TYW1B: variants seen among roughly 807,000 people sequenced by gnomAD.
TYW1B encodes the protein S-adenosyl-L-methionine-dependent tRNA 4-demethylwyosine synthase TYW1B.
In TYW1B, 73 loss-of-function variants were observed where a neutral mutation model predicts 86.9. That is an observed-to-expected ratio of 0.84 (90% CI 0.70 to 1.02). The LOEUF is 1.02. TYW1B is among the 50% of genes least tolerant of loss of function. TYW1B has a pLI of 0.00. For synonymous variants in TYW1B, 248 were observed against 292.8 expected (o/e 0.85, Z 1.56); for missense variants, 637 against 827.4 (o/e 0.77, Z 2.82).
chr7:72,606,650 G>C (rs1379068519), intron 13 of TYW1B, among the ~76,000 whole-genome samples: 4 of 151,782 alleles, frequency 2.6e-5, no homozygotes, highest in East Asian at 3.9e-4. Context: ...GGAGTCTAAG[G>C]GGGGAACAGT....
chr7:72,812,701 G>GTTT (rs1422203647), intron 3 of TYW1B, among the ~76,000 whole-genome samples: 2 of 138,262 alleles, frequency 1.4e-5, no homozygotes, highest in Admixed American at 7.3e-5. Flanking sequence ...GCCTTTTGGG[G>GTTT]TTTTTTTTTT....
At chr7:72,604,393 T>TG (rs1490171888) in intron 13 of TYW1B, among the ~76,000 whole-genome samples, 1 of 151,982 alleles carries the variant, frequency 6.6e-6, no homozygotes, top group East Asian at 1.9e-4. Flanking sequence ...ACCCGGGAGA[T>TG]GGAGGTTGCA....
At chr7:72,751,994 G>A (rs1554465142) in intron 7 of TYW1B, among the ~76,000 whole-genome samples, 1 of 152,200 alleles carries the variant, frequency 6.6e-6, no homozygotes, top group East Asian at 1.9e-4. Flanking sequence ...GACTTCCAAG[G>A]CCAGGCTGCT....
chr7:72,814,613 T>C (rs1280340211), intron 3 of TYW1B, among the ~76,000 whole-genome samples: 1 of 151,008 alleles, frequency 6.6e-6, no homozygotes, highest in Non-Finnish European at 1.5e-5. Context: ...CTTTTAAAAT[T>C]AGCAGGGCAT....
intron 7 of TYW1B, among the ~76,000 whole-genome samples, chr7:72,756,185 C>T (rs1343253271): frequency 1.4e-5 from 2 of 141,464 alleles, no homozygotes; most frequent in Non-Finnish European, 3.1e-5. Context: ...TTAATTAGAA[C>T]TGCCAGTTTA....
At chr7:72,664,153 C>T (rs537275667) in intron 11 of TYW1B, among the ~76,000 whole-genome samples, 16 of 152,082 alleles carry the variant, frequency 1.1e-4, no homozygotes, top group African/African-American at 1.4e-4. Context: ...CTCTTTCTTG[C>T]CAAACATTAT....
At chr7:72,649,379 G>A (rs559846864) in intron 11 of TYW1B, among the ~76,000 whole-genome samples, 21 of 152,258 alleles carry the variant, frequency 1.4e-4, no homozygotes, top group Admixed American at 1.2e-3. Context: ...GAACAAGAGA[G>A]GTGCCCTATC....
intron 9 of TYW1B, chr7:72,722,875 A>G: frequency 1.5e-6 from 1 of 653,722 alleles, no homozygotes; most frequent in Middle Eastern, 4.3e-4. Context: ...GTAAATAATT[A>G]ATGAGCATTC....
intron 13 of TYW1B, among the ~76,000 whole-genome samples, chr7:72,606,442 G>C (rs546660212): frequency 4.2e-4 from 64 of 151,992 alleles, no homozygotes; most frequent in Non-Finnish European, 7.1e-4. Context: ...GGGGAATCCT[G>C]CCCTCCTCCT....
chr7:72,681,591 CTTTT>C (rs71069098), intron 11 of TYW1B, among the ~76,000 whole-genome samples: 2 of 111,026 alleles, frequency 1.8e-5, no homozygotes, highest in African/African-American at 3.4e-5. Context: ...ATATTTACTT[CTTTT>C]TTTTTTTTTT....
intron 7 of TYW1B, among the ~76,000 whole-genome samples, chr7:72,774,334 AT>A: frequency 9.3e-5 from 1 of 10,728 alleles, no homozygotes; most frequent in East Asian, 3.6e-3. Flanking sequence ...TAAAAGTGAG[AT>A]ATAAAAGCTC....
chr7:72,606,606 G>T (rs1437487359), intron 13 of TYW1B, among the ~76,000 whole-genome samples: 1 of 56,908 alleles, frequency 1.8e-5, no homozygotes, highest in Non-Finnish European at 4.8e-5. Flanking sequence ...GCAGCAATAA[G>T]GCCCCCCCCC....
chr7:72,767,325 G>C (rs1428653174), intron 7 of TYW1B, among the ~76,000 whole-genome samples: 37 of 152,072 alleles, frequency 2.4e-4, no homozygotes, highest in African/African-American at 8.2e-4. Context: ...CTTTGTCTTT[G>C]GCCAGGCACG....
intron 10 of TYW1B, among the ~76,000 whole-genome samples, chr7:72,713,236 G>A (rs1323448243): frequency 7.0e-6 from 1 of 143,496 alleles, no homozygotes; most frequent in Non-Finnish European, 1.5e-5. Flanking sequence ...AGGAGGCGGA[G>A]GTAGCAGTGA....
chr7:72,615,716 G>A (rs2844065), intron 13 of TYW1B, among the ~76,000 whole-genome samples: 6 of 151,260 alleles, frequency 4.0e-5, no homozygotes, highest in South Asian at 2.1e-4. Flanking sequence ...TGAAAACTTC[G>A]GCAGGGAAAT....
chr7:72,705,825 A>G (rs1204480102), intron 10 of TYW1B, among the ~76,000 whole-genome samples: 1 of 152,106 alleles, frequency 6.6e-6, no homozygotes, highest in Non-Finnish European at 1.5e-5. Flanking sequence ...ATCCTCCTCA[A>G]CAACTTCCTT....
intron 10 of TYW1B, among the ~76,000 whole-genome samples, chr7:72,700,105 T>C (rs191303872): frequency 2.0e-5 from 3 of 151,584 alleles, no homozygotes; most frequent in East Asian, 3.9e-4. Flanking sequence ...GGATAAGAGA[T>C]TGTGAACTTG....
intron 9 of TYW1B, among the ~76,000 whole-genome samples, chr7:72,725,800 A>G (rs1217568657): frequency 1.3e-5 from 2 of 152,128 alleles, no homozygotes; most frequent in Non-Finnish European, 2.9e-5. Context: ...TGAACTCACC[A>G]AGCCTCCACA....
At chr7:72,713,300 CAAAAAAAAAAAA>C (rs71069102) in intron 10 of TYW1B, among the ~76,000 whole-genome samples, 5 of 55,852 alleles carry the variant, frequency 9.0e-5, no homozygotes, top group South Asian at 9.6e-4. Context: ...GACTCCAACT[CAAAAAAAAAAAA>C]AAAAAAAAAA....
Sources: gnomAD v4.1 joint callset for allele counts (sites outside exome capture counted in the v4.1 genomes callset) on GRCh38, gnomAD v4.1.1 for gene constraint, MANE v1.5 for transcripts, NCBI Gene and HGNC (gene_info 2026-07-23, HGNC 2026-07-21) for gene names.